SAFB: variants seen among roughly 807,000 people sequenced by gnomAD.
SAFB encodes the protein scaffold attachment factor B, also known as scaffold attachment factor B1.
In SAFB, 15 loss-of-function variants were observed where a neutral mutation model predicts 101.6. The observed-to-expected ratio is 0.15, with a 90% CI of 0.10 to 0.23. The LOEUF (loss-of-function observed/expected upper bound fraction) is 0.23. Among genes scored for constraint, SAFB ranks in the 10% least tolerant of loss-of-function variants. The pLI is 1.00. For synonymous variants in SAFB, 449 were observed against 407.5 expected (o/e 1.10, Z -1.23); for missense variants, 930 against 1,104.1 (o/e 0.84, Z 2.23).
At chr19:5,630,931 C>G (rs1421155204) in intron 2 of SAFB, among the ~76,000 whole-genome samples, 1 of 152,002 alleles carries the variant, frequency 6.6e-6, no homozygotes, top group East Asian at 1.9e-4. Flanking sequence ...GTGGCTCATG[C>G]CTGTAATCCC....
intron 13 of SAFB, 150 bp from the exon 14 acceptor site, chr19:5,657,091 G>C (rs951269484): frequency 1.7e-6 from 1 of 599,714 alleles, no homozygotes; most frequent in Non-Finnish European, 3.0e-6. Flanking sequence ...TTTTAGTAGA[G>C]TCAAGGTTTC....
chr19:5,630,521 C>A lies in SAFB; in HGVS notation c.274+4032C>A, dbSNP rs745644346. The stretch of plus-strand genomic sequence containing the variant: ...GCGGTGGCACACGTCCGTAATCCCA[C>A]GATGCAGGTGGATCACCTGAGGTCA... On this transcript the variant is annotated intron_variant, in intron 2 of 20. Coordinates refer to ENST00000588852, the MANE Select transcript of SAFB (RefSeq NM_001201338.2). Among the ~76,000 whole-genome samples the A allele has an allele frequency of 7.2e-5, 11 of 152,282 alleles. No individual in the cohort carries two copies. In the East Asian group the frequency reaches 2.1e-3, roughly 29 times the overall value.
At chr19:5,658,554 T>C (rs1032673583) in intron 14 of SAFB, among the ~76,000 whole-genome samples, 2 of 151,988 alleles carry the variant, frequency 1.3e-5, no homozygotes, top group Non-Finnish European at 2.9e-5. Context: ...TAGCTGGGCA[T>C]GTAGGCCAGG....
At chr19:5,628,502 C>T (rs546597191) in intron 2 of SAFB, among the ~76,000 whole-genome samples, 2 of 152,246 alleles carry the variant, frequency 1.3e-5, no homozygotes, top group African/African-American at 4.8e-5. Flanking sequence ...AAAACTTTCA[C>T]TAATTCCACA....
intron 2 of SAFB, among the ~76,000 whole-genome samples, chr19:5,632,504 A>G (rs2053511290): frequency 6.6e-6 from 1 of 152,212 alleles, no homozygotes; most frequent in South Asian, 2.1e-4. Flanking sequence ...CTTAGTCCTC[A>G]TTTAGATTCA....
intron 13 of SAFB, among the ~76,000 whole-genome samples, chr19:5,656,575 AT>A (rs918418902): frequency 0.021 from 2,689 of 128,338 alleles, 22 homozygotes; most frequent in South Asian, 0.026. Context: ...TGCGCCAGCA[AT>A]TTTTTTTTTT....
rs1483519666 is a variant in SAFB, at chr19:5,647,999, T to C, written c.610-17T>C. On this transcript the variant is annotated splice_polypyrimidine_tract_variant and intron_variant, in intron 5 of 20. Transcript: ENST00000588852. ...GTCATTCATCTGGCACAGTCTTATT[T>C]ACGTTTTTTCTTGCAGGAAATTGAA... 6.2e-7 allele frequency: 1 copy of C among 1,610,906 alleles called. No individual in the cohort carries two copies. The highest frequency in any genetic ancestry group is 8.5e-7 in the Non-Finnish European group (1 of 1,177,146).
At chr19:5,651,631 G>A (rs2053940571) in intron 9 of SAFB, among the ~76,000 whole-genome samples, 1 of 152,054 alleles carries the variant, frequency 6.6e-6, no homozygotes, top group African/African-American at 2.4e-5. Context: ...CGTGAAGGTG[G>A]GGCTGGTGGC....
At chr19:5,648,712 G>T (rs370859411) in intron 6 of SAFB, 4 of 575,382 alleles carry the variant, frequency 7.0e-6, no homozygotes, top group Admixed American at 2.9e-5. Context: ...TCTAAACGAC[G>T]ACAGAATGAA....
intron 4 of SAFB, among the ~76,000 whole-genome samples, chr19:5,642,651 CTTTT>C (rs767488519): frequency 3.8e-4 from 27 of 70,850 alleles, no homozygotes; most frequent in East Asian, 5.8e-4. Context: ...CCCTTCCTTT[CTTTT>C]TTTTTTTTTT....
chr19:5,654,161 A>C lies in SAFB; in HGVS notation c.1627A>C (p.Lys543Gln), dbSNP rs771348037. 3.7e-6 allele frequency: 6 copies of C among 1,614,110 alleles called. No homozygotes were observed. In the African/African-American group the frequency reaches 6.7e-5, roughly 18 times the overall value. ...GEKSKDQDDQ[K>Q]PGPSERSRAT... ...AAAGAGTAAGGACCAAGATGATCAGAAACCTGGCCCCTCAGAGCGATCTCG... is the reference window on the plus strand; with the variant it reads ...AAAGAGTAAGGACCAAGATGATCAGCAACCTGGCCCCTCAGAGCGATCTCG... Residue 543 changes from lysine (K) to glutamine (Q), a missense_variant, in exon 12 of 21, where the codon AAA becomes CAA. Lys to Gln is a moderately conservative substitution (Grantham distance 53, BLOSUM62 1). Around this residue, in one of 7 missense-constraint regions of SAFB, gnomAD observed 92 missense variants for 83.8 expected, o/e 1.10. Transcript: ENST00000588852.
intron 1 of SAFB, among the ~76,000 whole-genome samples, chr19:5,624,218 C>G (rs1297073975): frequency 6.7e-6 from 1 of 148,976 alleles, no homozygotes; most frequent in East Asian, 2.0e-4. Context: ...GTCCTCTTTT[C>G]TATTCTTTTT....
intron 5 of SAFB, among the ~76,000 whole-genome samples, chr19:5,645,738 AT>A (rs1403005668): frequency 6.6e-6 from 1 of 152,126 alleles, no homozygotes; most frequent in Non-Finnish European, 1.5e-5. Flanking sequence ...CAGAAAGATG[AT>A]TTGATGAGAC....
intron 14 of SAFB, among the ~76,000 whole-genome samples, chr19:5,658,378 T>C (rs548085586): frequency 6.6e-6 from 1 of 152,356 alleles, no homozygotes; most frequent in East Asian, 1.9e-4. Flanking sequence ...ATTTTTTCTA[T>C]GAAATACTTC....
rs1369703121 is a variant in SAFB, at chr19:5,649,929, T to C, written c.1152T>C (p.Ser384=). The change falls in exon 8 of 21, where the codon TCT becomes TCC. Residue 384 remains serine, a synonymous_variant. Transcript: ENST00000588852. ...TSEGADQKMS[S]PEDDSDTKRL... is the part of the protein sequence containing the mutation. Reference sequence around the variant, plus strand: ...TGACATTGTCTTTTGTCTCTAGTTCTCCCGAAGATGACTCGGATACAAAAA... The same window carrying C: ...TGACATTGTCTTTTGTCTCTAGTTCCCCCGAAGATGACTCGGATACAAAAA... 1 of 1,613,714 alleles carries C rather than the reference T, an allele frequency of 6.2e-7. No homozygotes were observed. Among genetic ancestry groups the C allele is most frequent in the South Asian group, 1.1e-5 (1 of 91,076 alleles).
intron 15 of SAFB, 91 bp downstream of exon 15, chr19:5,661,899 T>A (rs1170481541): frequency 5.5e-5 from 56 of 1,020,502 alleles, no homozygotes; most frequent in Non-Finnish European, 6.7e-5. Context: ...TTTTTTTTTT[T>A]TTTGAGACGG....
chr19:5,629,562 T>C (rs900098685), intron 2 of SAFB, among the ~76,000 whole-genome samples: 14 of 152,236 alleles, frequency 9.2e-5, no homozygotes, highest in African/African-American at 3.1e-4. Flanking sequence ...ATACACAATT[T>C]AGCCCATCAG....
chr19:5,668,129 T>C lies in SAFB; in HGVS notation c.2625-33T>C, dbSNP rs749503574. Reference sequence around the variant, plus strand: ...GGGATGGGCCGGGGAGCAGGAGGACTTCGCAGTCAAACCAATGTGAATTTG... The same window carrying C: ...GGGATGGGCCGGGGAGCAGGAGGACCTCGCAGTCAAACCAATGTGAATTTG... On this transcript the variant is annotated intron_variant, in intron 20 of 20. Transcript: ENST00000588852. 1.9e-6 allele frequency: 3 copies of C among 1,599,658 alleles called. No individual in the cohort carries two copies. In the African/African-American group the frequency reaches 4.0e-5, roughly 22 times the overall value.
chr19:5,634,639 AT>A (rs2053558502), intron 2 of SAFB, among the ~76,000 whole-genome samples: 1 of 152,116 alleles, frequency 6.6e-6, no homozygotes, highest in Non-Finnish European at 1.5e-5. Flanking sequence ...GAAGAAACTC[AT>A]ATCCAGAAAG....
Sources: gnomAD v4.1 joint callset for allele counts (sites outside exome capture counted in the v4.1 genomes callset) on GRCh38, gnomAD v4.1.1 for gene constraint, gnomAD v4.1.1 regional missense constraint, MANE v1.5 for transcripts, NCBI Gene and HGNC (gene_info 2026-07-23, HGNC 2026-07-21) for gene names.